Variants in GET1 observed in about 807,000 individuals in gnomAD.
GET1 encodes the protein congenital heart disease 5 protein.
GET1 carries 20 observed loss-of-function variants against 22.6 expected under a neutral mutation model. The observed-to-expected ratio is 0.89, with a 90% CI of 0.62 to 1.29. The LOEUF (loss-of-function observed/expected upper bound fraction) is 1.29. Ranked by LOEUF, GET1 falls within the 50% of genes most tolerant of loss-of-function variation. The pLI is 0.00. For synonymous variants in GET1, 92 were observed against 83.8 expected (o/e 1.10, Z -0.53); for missense variants, 209 against 219.9 (o/e 0.95, Z 0.31).
At chr21:39,387,416 C>T (rs1289883840) in intron 1 of GET1, among the ~76,000 whole-genome samples, 1 of 152,146 alleles carries the variant, frequency 6.6e-6, no homozygotes, top group Non-Finnish European at 1.5e-5. Flanking sequence ...TCAAAAAGTC[C>T]TTAGCAGTGT....
chr21:39,381,742 T>A (rs1302501128), intron 1 of GET1, among the ~76,000 whole-genome samples: 1 of 152,304 alleles, frequency 6.6e-6, no homozygotes, highest in East Asian at 1.9e-4. Flanking sequence ...TGTGCAACCA[T>A]TATCCCAGAA....
At chr21:39,394,110 G>A (rs2038485074) in intron 4 of GET1, among the ~76,000 whole-genome samples, 1 of 152,040 alleles carries the variant, frequency 6.6e-6, no homozygotes, top group South Asian at 2.1e-4. Flanking sequence ...TGGGCGGATT[G>A]CCTGAGCTCA....
chr21:39,390,835 C>T lies in GET1; in HGVS notation c.240C>T (p.Asn80=). ...ARYARLERKI[N]KMTDKLKTHV... Reference sequence around the variant, plus strand: ...ATGCCAGGCTGGAAAGAAAGATCAACAAGATGACGGATAAGCTCAAAACCC... The same window carrying T: ...ATGCCAGGCTGGAAAGAAAGATCAATAAGATGACGGATAAGCTCAAAACCC... The change falls in exon 2 of 5, where the codon AAC becomes AAT. Residue 80 remains asparagine (N), a synonymous_variant. Transcript: ENST00000649170. The T allele has an allele frequency of 6.2e-7, 1 of 1,614,170 alleles. No individual in the cohort carries two copies. Among genetic ancestry groups the T allele is most frequent in the Non-Finnish European group, 8.5e-7 (1 of 1,180,026 alleles).
exon 5 of GET1, chr21:39,405,981 C>A: frequency 1.2e-6 from 2 of 1,614,196 alleles, no homozygotes; most frequent in Non-Finnish European, 1.7e-6. Context: ...TGGTGGAGGC[C>A]TGACTGGGAG....
chr21:39,392,883 C>T (rs1219357387), intron 3 of GET1: 2 of 346,158 alleles, frequency 5.8e-6, no homozygotes, highest in Non-Finnish European at 1.1e-5. Context: ...CATCCTAAAA[C>T]AGTGAAATGC....
intron 1 of GET1, chr21:39,427,956 A>C (rs532739131): frequency 2.6e-6 from 1 of 379,538 alleles, no homozygotes; most frequent in Admixed American, 4.5e-5. Context: ...TAAGCCATGC[A>C]GGGGGCTAGG....
At chr21:39,423,558 TA>T in intron 1 of GET1, 2 of 1,368,810 alleles carry the variant, frequency 1.5e-6, no homozygotes, top group Non-Finnish European at 2.0e-6. Flanking sequence ...CACATATGCA[TA>T]ATCTCTCTCC....
intron 1 of GET1, among the ~76,000 whole-genome samples, chr21:39,412,314 G>T (rs73906032): frequency 1.3e-5 from 2 of 151,862 alleles, no homozygotes; most frequent in African/African-American, 4.8e-5. Flanking sequence ...GACAAGGGCC[G>T]GGGGGGAAGC....
downstream of GET1, among the ~76,000 whole-genome samples, chr21:39,400,558 C>T (rs2837007): frequency 0.63 from 96,433 of 151,966 alleles, 31,438 homozygotes; most frequent in East Asian, 0.77. Flanking sequence ...AATTAACAAC[C>T]GTCAGGAGAA....
intron 1 of GET1, among the ~76,000 whole-genome samples, chr21:39,424,494 C>T (rs1429691535): frequency 3.3e-5 from 5 of 152,154 alleles, no homozygotes; most frequent in African/African-American, 1.2e-4. Flanking sequence ...AACAAACAAA[C>T]CAACCCCATG....
downstream of GET1, among the ~76,000 whole-genome samples, chr21:39,399,036 G>A (rs1305837927): frequency 3.3e-5 from 5 of 152,226 alleles, no homozygotes; most frequent in South Asian, 2.1e-4. Context: ...CACCGCGCCC[G>A]GCCTGCCATT....
At chr21:39,415,465 C>T (rs907500316) in intron 1 of GET1, among the ~76,000 whole-genome samples, 18 of 152,216 alleles carry the variant, frequency 1.2e-4, no homozygotes, top group African/African-American at 2.7e-4. Context: ...GTTTCCCACT[C>T]TCTCTGACCA....
intron 1 of GET1, chr21:39,381,004 G>A (rs900485635): frequency 2.1e-6 from 2 of 959,534 alleles, no homozygotes; most frequent in African/African-American, 3.5e-5. Flanking sequence ...CCAGGTTGGG[G>A]AACACTCTCT....
intron 4 of GET1, among the ~76,000 whole-genome samples, chr21:39,404,977 A>G (rs959800367): frequency 9.9e-5 from 15 of 151,602 alleles, no homozygotes; most frequent in African/African-American, 3.1e-4. Context: ...CATTACAGGC[A>G]TGTGCCACCA....
At chr21:39,428,409 A>G in exon 2 of GET1, 2 of 1,613,060 alleles carry the variant, frequency 1.2e-6, no homozygotes, top group African/African-American at 1.3e-5. Flanking sequence ...CTTCTCTTGC[A>G]TGCTGCAGAC....
At chr21:39,425,040 T>C (rs994962396) in intron 1 of GET1, among the ~76,000 whole-genome samples, 1 of 152,250 alleles carries the variant, frequency 6.6e-6, no homozygotes, top group African/African-American at 2.4e-5. Context: ...TTGTAGGATA[T>C]AGAGGTATAT....
downstream of GET1, among the ~76,000 whole-genome samples, chr21:39,402,501 C>A (rs1320660838): frequency 1.3e-5 from 2 of 152,218 alleles, no homozygotes; most frequent in Non-Finnish European, 2.9e-5. Context: ...CTTGGGCTGC[C>A]TGGGTTTTGT....
At chr21:39,381,672 T>C (rs904782735) in intron 1 of GET1, among the ~76,000 whole-genome samples, 3 of 152,126 alleles carry the variant, frequency 2.0e-5, no homozygotes, top group African/African-American at 7.2e-5. Context: ...TAATATGAAG[T>C]TTATCATCTT....
intron 1 of GET1, chr21:39,420,772 A>G (rs777842980): frequency 6.2e-7 from 1 of 1,613,616 alleles, no homozygotes; most frequent in Non-Finnish European, 8.5e-7. Flanking sequence ...GAGCTGCTAA[A>G]GTCTTCCGAG....
Sources: gnomAD v4.1 joint callset for allele counts (sites outside exome capture counted in the v4.1 genomes callset) on GRCh38, gnomAD v4.1.1 for gene constraint, MANE v1.5 for transcripts, NCBI Gene and HGNC (gene_info 2026-07-23, HGNC 2026-07-21) for gene names.